CCDC7: variants seen among roughly 807,000 people sequenced by gnomAD.
CCDC7 encodes the protein coiled-coil domain-containing protein 7.
In CCDC7, 183 loss-of-function variants were observed where a neutral mutation model predicts 196.9. That is an observed-to-expected ratio of 0.93 (90% CI 0.82 to 1.05). The LOEUF (loss-of-function observed/expected upper bound fraction) is 1.05. Ranked by LOEUF, CCDC7 falls within the 50% of genes least tolerant of loss-of-function variation. The pLI is 0.00. For synonymous variants in CCDC7, 525 were observed against 484.6 expected, an observed-to-expected ratio of 1.08 and a Z score of -1.10; for missense variants, 1,540 against 1,482.2, an observed-to-expected ratio of 1.04 and a Z score of -0.64.
At chr10:32,510,604 A>G (rs1969353) in intron 9 of CCDC7, among the ~76,000 whole-genome samples, 21,006 of 152,186 alleles carry the variant, frequency 0.14, 1,760 homozygotes, top group East Asian at 0.25. Context: ...ATAAAAATGT[A>G]TAGCTTTTTG....
chr10:32,561,151 C>T (rs112238088), intron 13 of CCDC7, among the ~76,000 whole-genome samples: 5 of 152,290 alleles, frequency 3.3e-5, no homozygotes, highest in African/African-American at 1.2e-4. Flanking sequence ...TACAGGAACA[C>T]CCAGTTTCAT....
intron 9 of CCDC7, among the ~76,000 whole-genome samples, chr10:32,514,861 G>A (rs1039416845): frequency 9.2e-5 from 14 of 152,206 alleles, no homozygotes; most frequent in Admixed American, 9.2e-4. Flanking sequence ...GTCTCACTCT[G>A]TCACCCAGGC....
At chr10:32,701,633 A>G (rs903849270) in intron 24 of CCDC7, among the ~76,000 whole-genome samples, 21 of 152,312 alleles carry the variant, frequency 1.4e-4, no homozygotes, top group South Asian at 4.1e-4. Flanking sequence ...TTCGGCTGTG[A>G]ATCCATCTGG....
intron 20 of CCDC7, among the ~76,000 whole-genome samples, chr10:32,637,938 T>C (rs1043545061): frequency 1.3e-5 from 2 of 152,194 alleles, no homozygotes; most frequent in Non-Finnish European, 2.9e-5. Context: ...CTTGAAGAGG[T>C]CCTTCACATC....
intron 20 of CCDC7, among the ~76,000 whole-genome samples, chr10:32,657,106 G>A (rs971259181): frequency 6.6e-6 from 1 of 152,260 alleles, no homozygotes; most frequent in Non-Finnish European, 1.5e-5. Context: ...CTCCACCCTT[G>A]TGGCTTTGTG....
intron 25 of CCDC7, among the ~76,000 whole-genome samples, chr10:32,717,895 CAAA>C (rs56282080): frequency 7.4e-4 from 97 of 130,416 alleles, no homozygotes; most frequent in Non-Finnish European, 8.5e-4. Flanking sequence ...AATAGCCTAC[CAAA>C]AAAAAAAAAA....
At chr10:32,583,111 T>C in exon 17 of CCDC7, 3 of 1,231,450 alleles carry the variant, frequency 2.4e-6, no homozygotes, top group Non-Finnish European at 3.0e-6. Flanking sequence ...TCAGCATTTT[T>C]AGAGAGTTCA....
chr10:32,598,846 A>G (rs1030127914), intron 18 of CCDC7, among the ~76,000 whole-genome samples: 6 of 152,190 alleles, frequency 3.9e-5, no homozygotes, highest in African/African-American at 1.4e-4. Flanking sequence ...TCTTTCCTAC[A>G]GAGTGTTCTA....
intron 24 of CCDC7, among the ~76,000 whole-genome samples, chr10:32,709,225 A>G (rs2080370906): frequency 6.6e-6 from 1 of 151,232 alleles, no homozygotes; most frequent in Non-Finnish European, 1.5e-5. Flanking sequence ...GCAAGGATAA[A>G]AAACCAAACA....
chr10:32,574,414 T>C, intron 16 of CCDC7: 1 of 1,565,668 alleles, frequency 6.4e-7, no homozygotes, highest in Non-Finnish European at 8.6e-7. Flanking sequence ...ACCTTCATTT[T>C]GGGTTACTTC....
At chr10:32,490,494 C>T (rs989250009) in intron 8 of CCDC7, among the ~76,000 whole-genome samples, 1 of 152,166 alleles carries the variant, frequency 6.6e-6, no homozygotes, top group African/African-American at 2.4e-5. Context: ...TCAGATTACT[C>T]TTAAAATATT....
At chr10:32,774,046 T>C (rs1476647283) in intron 28 of CCDC7, among the ~76,000 whole-genome samples, 2 of 152,220 alleles carry the variant, frequency 1.3e-5, no homozygotes, top group Non-Finnish European at 1.5e-5. Context: ...ATAAATAGTT[T>C]TTATTTTTAA....
chr10:32,802,093 C>CT (rs1262084735), intron 29 of CCDC7, among the ~76,000 whole-genome samples: 1 of 152,142 alleles, frequency 6.6e-6, no homozygotes, highest in Non-Finnish European at 1.5e-5. Context: ...ACAATTTCAG[C>CT]TTTTTTTCTA....
chr10:32,798,320 G>T (rs1388002342), intron 29 of CCDC7, among the ~76,000 whole-genome samples: 1 of 152,214 alleles, frequency 6.6e-6, no homozygotes, highest in Non-Finnish European at 1.5e-5. Context: ...GCCGTAGCCA[G>T]ATCAGCCTTG....
rs749271588 is a variant in CCDC7 at position 32,518,382 on chromosome 10, A to T, written c.904-34A>T. Reference sequence around the variant, plus strand: ...ATAACCTTTCTACATTGAGAGTTTTACTCTTCATTATTACTAAAATTATTT... The same window carrying T: ...ATAACCTTTCTACATTGAGAGTTTTTCTCTTCATTATTACTAAAATTATTT... On this transcript the variant is annotated intron_variant, in intron 10 of 41. Transcript: ENST00000639629. 3.2e-6 allele frequency: 5 copies of T among 1,541,520 alleles called. No individual in the cohort carries two copies. The African/African-American group carries it at 7.0e-5, about 22-fold the overall frequency.
chr10:32,746,942 A>C (rs1415134080), intron 28 of CCDC7, among the ~76,000 whole-genome samples: 2 of 152,206 alleles, frequency 1.3e-5, no homozygotes, highest in Non-Finnish European at 2.9e-5. Context: ...GCCTTGTCAC[A>C]GCCAGCACAT....
rs192572889 is a variant in CCDC7, at chr10:32,451,680, A to G, written c.38A>G (p.Lys13Arg). ...AAGCATCTGTTGACCACCAGTAACAAATCGGCAAATGTTCCAGCATTAACT... is the reference window on the plus strand; with the variant it reads ...AAGCATCTGTTGACCACCAGTAACAGATCGGCAAATGTTCCAGCATTAACT... The change falls in exon 1 of 42, where the codon AAA becomes AGA. Residue 13 changes from lysine (K) to arginine (R), a missense_variant. Transcript: ENST00000639629. 3.4e-4 allele frequency: 544 copies of G among 1,612,358 alleles called. 5 individuals are homozygous for G. The South Asian group carries it at 5.7e-3, about 17-fold the overall frequency.
chr10:32,787,523 G>C (rs923499474), intron 29 of CCDC7, among the ~76,000 whole-genome samples: 1 of 152,158 alleles, frequency 6.6e-6, no homozygotes, highest in Non-Finnish European at 1.5e-5. Context: ...CCTTAACTTC[G>C]GGCAGCACAG....
chr10:32,633,696 A>ATATATATGTGTG (rs779341941), intron 18 of CCDC7, among the ~76,000 whole-genome samples: 1,738 of 135,052 alleles, frequency 0.013, 16 homozygotes, highest in South Asian at 0.021. Context: ...ATATATATAT[A>ATATATATGTGTG]TGTGTGTGTG....
Sources: allele counts gnomAD v4.1 joint callset (sites outside exome capture counted in the v4.1 genomes callset), GRCh38; gene constraint gnomAD v4.1.1; transcripts MANE v1.5; gene names NCBI Gene and HGNC (gene_info 2026-07-23, HGNC 2026-07-21).